SVOP: variants seen among roughly 807,000 people sequenced by gnomAD.
SVOP encodes synaptic vesicle 2-related protein.
Under a neutral mutation model 69.1 loss-of-function variants are expected in SVOP, and 17 were observed. The observed-to-expected ratio is 0.25, with a 90% CI of 0.17 to 0.37. The LOEUF is 0.37. SVOP is among the 10% of genes least tolerant of loss of function. SVOP has a pLI of 1.00. For synonymous variants in SVOP, 238 were observed against 238.6 expected (o/e 1.00, Z 0.02); for missense variants, 435 against 597.5 (o/e 0.73, Z 2.84).
At chr12:108,984,681 C>T (rs1192227076) in intron 1 of SVOP, among the ~76,000 whole-genome samples, 2 of 152,184 alleles carry the variant, frequency 1.3e-5, no homozygotes. Context: ...TCTTGTTCCT[C>T]TGCAAGAAGC....
chr12:108,944,080 C>T (rs1210439395), intron 7 of SVOP, among the ~76,000 whole-genome samples: 3 of 152,070 alleles, frequency 2.0e-5, no homozygotes, highest in Admixed American at 1.3e-4. Context: ...GGGGTTTCAC[C>T]GTGTTGGCCA....
At chr12:108,967,133 C>T (rs2040049940) in intron 5 of SVOP, among the ~76,000 whole-genome samples, 1 of 152,114 alleles carries the variant, frequency 6.6e-6, no homozygotes, top group Non-Finnish European at 1.5e-5. Context: ...GCAGTCTGGC[C>T]TCAAAACCCA....
At chr12:108,992,328 T>A (rs1180938864) in intron 1 of SVOP, among the ~76,000 whole-genome samples, 1 of 151,062 alleles carries the variant, frequency 6.6e-6, no homozygotes, top group East Asian at 2.0e-4. Flanking sequence ...ATCACTTCAG[T>A]CTAGGGGTTC....
chr12:108,962,141 C>T (rs186585316), intron 5 of SVOP, among the ~76,000 whole-genome samples: 2 of 152,240 alleles, frequency 1.3e-5, no homozygotes, highest in Admixed American at 1.3e-4. Context: ...TTCTGTTGCC[C>T]GGGCTAGAGT....
At chr12:108,973,652 G>A (rs983094831) in intron 4 of SVOP, among the ~76,000 whole-genome samples, 2 of 152,116 alleles carry the variant, frequency 1.3e-5, no homozygotes, top group Non-Finnish European at 2.9e-5. Flanking sequence ...TTCCACATCA[G>A]CCTCCCACAG....
chr12:109,004,410 C>CT lies in SVOP; in HGVS notation c.35+16423dup, dbSNP rs34124314. Among the ~76,000 whole-genome samples the CT allele has an allele frequency of 8.7e-3, 1,050 of 120,378 alleles. 25 individuals carry two copies. Among genetic ancestry groups the CT allele is most frequent in the South Asian group, 0.025 (88 of 3,524 alleles). The allele number at this position is 120,378 out of a possible 152,430, so 79.0% of individuals were successfully genotyped here. A position where few individuals can be genotyped will look rare whatever the true frequency, so the allele number is the denominator to read the frequency against. ...CTGTGACTCGATTCAGGTATTGCTA[C>CT]TTTTTTTTTTTTTTTTTTTGAGACA... On this transcript the variant is annotated intron_variant, in intron 1 of 15. Transcript: ENST00000610966.
intron 6 of SVOP, among the ~76,000 whole-genome samples, chr12:108,956,288 C>T (rs566110550): frequency 1.5e-5 from 2 of 133,478 alleles, no homozygotes; most frequent in Admixed American, 1.7e-4. Flanking sequence ...GGCGACAGAG[C>T]GAGATTCCGT....
chr12:108,927,031 G>A (rs2039784458), intron 11 of SVOP, among the ~76,000 whole-genome samples: 1 of 152,202 alleles, frequency 6.6e-6, no homozygotes, highest in Non-Finnish European at 1.5e-5. Flanking sequence ...GCAAAGGACA[G>A]GCATGCTTAC....
chr12:108,964,928 GCAC>G (rs2040036699), intron 5 of SVOP, among the ~76,000 whole-genome samples: 2 of 152,146 alleles, frequency 1.3e-5, no homozygotes, highest in Non-Finnish European at 2.9e-5. Context: ...CATGTATTGA[GCAC>G]CTGCTGTATA....
In SVOP at chr12:108,912,346, C is replaced by T. The variant is rs1380185706; in HGVS notation, c.*189G>A. The stretch of plus-strand genomic sequence containing the variant: ...TATACAGAGAACCCCCTAGAGCAAA[C>T]ATCTCCCCATCCCTGGGTGGACCTC... On this transcript the variant is annotated 3_prime_UTR_variant, in exon 16 of 16. Transcript: ENST00000610966. 3.4e-6 allele frequency: 5 copies of T among 1,449,546 alleles called. No individual in the cohort carries two copies. Among genetic ancestry groups the T allele is most frequent in the Non-Finnish European group, 3.6e-6 (4 of 1,106,874 alleles). 89.8% of individuals were successfully genotyped at this position (1,449,546 alleles called of 1,614,324 possible). A position where few individuals can be genotyped will look rare whatever the true frequency, so the allele number is the denominator to read the frequency against.
At chr12:109,017,540 A>T (rs934278298) in intron 1 of SVOP, among the ~76,000 whole-genome samples, 1 of 152,080 alleles carries the variant, frequency 6.6e-6, no homozygotes, top group Non-Finnish European at 1.5e-5. Flanking sequence ...AAAATTTTAC[A>T]TTATATATAT....
At chr12:108,954,618 C>G (rs1593189616) in intron 6 of SVOP, among the ~76,000 whole-genome samples, 1 of 152,308 alleles carries the variant, frequency 6.6e-6, no homozygotes, top group East Asian at 1.9e-4. Context: ...GTGTGATTTT[C>G]TCTGTTCCAG....
chr12:108,950,304 C>T (rs1447389020), intron 6 of SVOP, among the ~76,000 whole-genome samples: 2 of 151,068 alleles, frequency 1.3e-5, no homozygotes, highest in African/African-American at 4.9e-5. Flanking sequence ...GTCTCACACT[C>T]CTGGGCTCAA....
chr12:108,972,774 C>G (rs564594338), intron 4 of SVOP, among the ~76,000 whole-genome samples: 1 of 152,358 alleles, frequency 6.6e-6, no homozygotes, highest in South Asian at 2.1e-4. Context: ...TGGTATCAGG[C>G]ATTCTGGCTC....
rs150021762 is a variant in SVOP, at chr12:108,949,396, T to C, written c.579-4230A>G. ...AGTGATTCTCCTGCCTCAGCCCAAG[T>C]AGCTGGGATTACAGGTGCATGCCAC... On this transcript the variant is annotated intron_variant, in intron 6 of 15. Coordinates refer to ENST00000610966, the MANE Select transcript of SVOP (RefSeq NM_018711.5). 7.2e-3 allele frequency among the ~76,000 whole-genome samples: 1,094 copies of C among 152,234 alleles called. 14 individuals are homozygous for C. The highest frequency in any genetic ancestry group is 0.025 in the African/African-American group (1,020 of 41,558).
chr12:108,983,100 T>TTGC (rs2040150360), intron 2 of SVOP, among the ~76,000 whole-genome samples: 42 of 150,212 alleles, frequency 2.8e-4, no homozygotes, highest in African/African-American at 1.0e-3. Flanking sequence ...ATCATCATGA[T>TTGC]CACCATCATC....
At chr12:108,937,565 G>A (rs1306145827) in intron 9 of SVOP, among the ~76,000 whole-genome samples, 1 of 152,018 alleles carries the variant, frequency 6.6e-6, no homozygotes, top group African/African-American at 2.4e-5. Context: ...TGGATCTCAC[G>A]CCCTCCAACC....
chr12:108,928,693 A>G (rs1325281070), intron 11 of SVOP, among the ~76,000 whole-genome samples: 2 of 151,978 alleles, frequency 1.3e-5, no homozygotes, highest in African/African-American at 4.8e-5. Flanking sequence ...CAGCCTCCCA[A>G]GTAGCTGGGA....
chr12:108,956,301 CAAA>C (rs36126786), intron 6 of SVOP, among the ~76,000 whole-genome samples: 2 of 138,084 alleles, frequency 1.4e-5, no homozygotes, highest in Admixed American at 7.3e-5. Flanking sequence ...GATTCCGTCT[CAAA>C]AAAAAAAAAA....
Sources: allele counts gnomAD v4.1 joint callset (sites outside exome capture counted in the v4.1 genomes callset), GRCh38; gene constraint gnomAD v4.1.1; transcripts MANE v1.5; gene names NCBI Gene and HGNC (gene_info 2026-07-23, HGNC 2026-07-21).